TAFA5: variants seen among roughly 807,000 people sequenced by gnomAD.
TAFA5 encodes the protein chemokine-like protein TAFA-5.
Under a neutral mutation model 15.3 loss-of-function variants are expected in TAFA5, and 6 were observed. The ratio of observed to expected loss-of-function variants is 0.39; its 90% CI spans 0.21 to 0.77. The LOEUF (loss-of-function observed/expected upper bound fraction) is 0.77. Among genes scored for constraint, TAFA5 ranks in the 30% least tolerant of loss-of-function variants. The pLI is 0.41. For missense variants in TAFA5, 161 were observed against 193.1 expected (o/e 0.83, Z 0.98); for synonymous variants, 103 against 80.7 (o/e 1.28, Z -1.48).
At chr22:48,491,128 C>G (rs1343526383) in intron 1 of TAFA5, among the ~76,000 whole-genome samples, 1 of 152,214 alleles carries the variant, frequency 6.6e-6, no homozygotes, top group Non-Finnish European at 1.5e-5. Context: ...ACCGTGGGTG[C>G]GCCGGCGCCC....
chr22:48,586,564 G>C (rs542510288), intron 1 of TAFA5, among the ~76,000 whole-genome samples: 2 of 152,254 alleles, frequency 1.3e-5, no homozygotes, highest in Non-Finnish European at 2.9e-5. Context: ...AGTGCTGGGC[G>C]TGTCTGTGGA....
chr22:48,720,172 T>A (rs1006339578), intron 3 of TAFA5, among the ~76,000 whole-genome samples: 1 of 152,136 alleles, frequency 6.6e-6, no homozygotes, highest in African/African-American at 2.4e-5. Flanking sequence ...GCTGGGGATT[T>A]CCTGGTGCCC....
At chr22:48,749,762 G>A in intron 3 of TAFA5, 77 bp from the exon 4 acceptor site, 1 of 1,517,702 alleles carries the variant, frequency 6.6e-7, no homozygotes, top group Non-Finnish European at 9.0e-7. Flanking sequence ...GCCGGGGAGG[G>A]AAGAGGAGCC....
intron 1 of TAFA5, among the ~76,000 whole-genome samples, chr22:48,508,247 C>T (rs1921078970): frequency 6.6e-6 from 1 of 152,190 alleles, no homozygotes; most frequent in South Asian, 2.1e-4. Flanking sequence ...CCCAGCTTTG[C>T]AGGAGACAGG....
chr22:48,656,811 C>G (rs1261933332), intron 2 of TAFA5, among the ~76,000 whole-genome samples: 1 of 118,694 alleles, frequency 8.4e-6, no homozygotes, highest in African/African-American at 3.3e-5. Flanking sequence ...GTTGCCCAGG[C>G]TAGAGTGCAG....
intron 1 of TAFA5, among the ~76,000 whole-genome samples, chr22:48,605,615 C>G (rs185874535): frequency 7.9e-5 from 12 of 152,212 alleles, no homozygotes; most frequent in Admixed American, 2.0e-4. Context: ...GGCATTTTAC[C>G]TGCGAGATAT....
chr22:48,643,977 C>T lies in TAFA5; in HGVS notation c.113-2620C>T, dbSNP rs143462728. ...GACTTTCCTTCTGCGTAAATCACAA[C>T]GTAAGAACGTGTGCTCGGGACCCGT... On this transcript the variant is annotated intron_variant, in intron 1 of 3. Transcript: ENST00000402357. Among the ~76,000 whole-genome samples, 26 of 152,334 alleles carry T rather than the reference C, an allele frequency of 1.7e-4. 3 individuals are homozygous for T. The highest frequency in any genetic ancestry group is 5.3e-4 in the African/African-American group (22 of 41,580).
chr22:48,617,192 C>T (rs942985576), intron 1 of TAFA5, among the ~76,000 whole-genome samples: 1 of 149,372 alleles, frequency 6.7e-6, no homozygotes, highest in Non-Finnish European at 1.5e-5. Flanking sequence ...GTGACTGCGG[C>T]TTATCCAGGT....
At chr22:48,738,160 G>A (rs1372208322) in intron 3 of TAFA5, among the ~76,000 whole-genome samples, 1 of 152,204 alleles carries the variant, frequency 6.6e-6, no homozygotes, top group Admixed American at 6.5e-5. Context: ...GAGCAGGGCA[G>A]TGCCTGCAGA....
chr22:48,662,598 A>G (rs1157843516), intron 2 of TAFA5, among the ~76,000 whole-genome samples: 3 of 152,182 alleles, frequency 2.0e-5, no homozygotes, highest in Non-Finnish European at 4.4e-5. Flanking sequence ...TGTCCACCCC[A>G]GGAGGCCCCA....
rs111655826 is a variant in TAFA5 at position 48,590,850 on chromosome 22, CTT to C, written c.113-55735_113-55734del. On this transcript the variant is annotated intron_variant, in intron 1 of 3. Transcript: ENST00000402357. ...TTAGTCTTTTTGTTCATGATTTGTTCTTTTTTTTTTTTTCTTTTTGAGATGGA... is the reference window on the plus strand; with the variant it reads ...TTAGTCTTTTTGTTCATGATTTGTTCTTTTTTTTTTTCTTTTTGAGATGGA... Among the ~76,000 whole-genome samples the C allele has an allele frequency of 4.1e-5, 6 of 145,284 alleles. No individual in the cohort carries two copies. In the South Asian group the frequency reaches 8.7e-4, roughly 21 times the overall value.
At chr22:48,546,401 G>T (rs1471716119) in intron 1 of TAFA5, 1 of 446,236 alleles carries the variant, frequency 2.2e-6, no homozygotes, top group Non-Finnish European at 4.7e-6. Context: ...GCACTGGATG[G>T]CTCTTGGAGG....
intron 1 of TAFA5, among the ~76,000 whole-genome samples, chr22:48,630,361 C>G (rs1841136886): frequency 2.0e-5 from 3 of 152,206 alleles, no homozygotes; most frequent in Non-Finnish European, 4.4e-5. Context: ...CTGAGAGGGG[C>G]AGGCGCCCAG....
chr22:48,540,811 T>C lies in TAFA5; in HGVS notation c.112+51107T>C, dbSNP rs1018345850. 2.0e-5 allele frequency among the ~76,000 whole-genome samples: 3 copies of C among 152,060 alleles called. No homozygotes were observed. The East Asian group carries it at 5.8e-4, about 29-fold the overall frequency. ...GCTTCAGATGTTTAGAGGAAGATTT[T>C]TGTGGCACTCGGTGTAATGGGTTTG... On this transcript the variant is annotated intron_variant, in intron 1 of 3. Coordinates refer to ENST00000402357, the MANE Select transcript of TAFA5 (RefSeq NM_001082967.3).
chr22:48,651,671 C>T (rs1001298275), intron 2 of TAFA5, among the ~76,000 whole-genome samples: 5 of 152,058 alleles, frequency 3.3e-5, no homozygotes, highest in African/African-American at 1.2e-4. Flanking sequence ...GGCGGGTGGA[C>T]GCTGAGGCCG....
chr22:48,533,445 G>A (rs1039567600), intron 1 of TAFA5, among the ~76,000 whole-genome samples: 1 of 152,206 alleles, frequency 6.6e-6, no homozygotes, highest in African/African-American at 2.4e-5. Context: ...CTCTCAGCAC[G>A]AGGTCTTCAG....
chr22:48,524,432 C>T (rs1028843746), intron 1 of TAFA5, among the ~76,000 whole-genome samples: 2 of 152,228 alleles, frequency 1.3e-5, no homozygotes, highest in African/African-American at 2.4e-5. Flanking sequence ...TTGGCCTAGG[C>T]GCTTGGTCAG....
At chr22:48,542,290 A>T (rs1345809651) in intron 1 of TAFA5, among the ~76,000 whole-genome samples, 1 of 42,500 alleles carries the variant, frequency 2.4e-5, no homozygotes, top group Non-Finnish European at 5.6e-5. Context: ...GTGTGTGTGC[A>T]TGTGTGATGT....
At chr22:48,512,935 A>T (rs1012039679) in intron 1 of TAFA5, among the ~76,000 whole-genome samples, 37 of 144,200 alleles carry the variant, frequency 2.6e-4, no homozygotes, top group African/African-American at 8.7e-4. Context: ...AAAAAAAAAA[A>T]AAAAAAAAAG....
Sources: allele counts gnomAD v4.1 joint callset (sites outside exome capture counted in the v4.1 genomes callset), GRCh38; gene constraint gnomAD v4.1.1; transcripts MANE v1.5; gene names NCBI Gene and HGNC (gene_info 2026-07-23, HGNC 2026-07-21).